Variants in PDK1 observed in about 807,000 individuals in gnomAD.
PDK1 encodes the protein pyruvate dehydrogenase kinase 1, also known as [Pyruvate dehydrogenase (acetyl-transferring)] kinase isozyme 1, mitochondrial.
PDK1 carries 39 observed loss-of-function variants against 54.2 expected under a neutral mutation model. The observed-to-expected ratio is 0.72, with a 90% CI of 0.56 to 0.94. The LOEUF is 0.94. Ranked by LOEUF, PDK1 falls within the 40% of genes least tolerant of loss-of-function variation. The pLI, the probability that PDK1 is intolerant of heterozygous loss-of-function variation, is 0.00. For missense variants in PDK1, 552 were observed against 566.0 expected (o/e 0.98, Z 0.25); for synonymous variants, 221 against 207.1 (o/e 1.07, Z -0.58).
At chr2:172,641,563 T>C in the PDK1 span, among the ~76,000 whole-genome samples, 1 of 151,034 alleles carries the variant, frequency 6.6e-6, no homozygotes, top group Non-Finnish European at 1.5e-5. Flanking sequence ...TGCCTCAGCC[T>C]CCCGAGTAGC....
intron 10 of PDK1, among the ~76,000 whole-genome samples, chr2:172,593,854 G>A (rs538348531): frequency 3.3e-5 from 5 of 152,058 alleles, no homozygotes; most frequent in Admixed American, 3.3e-4. Flanking sequence ...GGCTGTTTAT[G>A]CCTGATTTAG....
the PDK1 span, among the ~76,000 whole-genome samples, chr2:172,628,795 C>T: frequency 2.0e-5 from 3 of 152,222 alleles, no homozygotes; most frequent in Middle Eastern, 3.4e-3. Flanking sequence ...TTCCCACCCA[C>T]GATAAACTTA....
rs1264183956 is a variant in PDK1 at position 172,604,359 on chromosome 2, T to C, written c.*8390T>C. 2 of 152,220 alleles carry C rather than the reference T, an allele frequency of 1.3e-5. No individual in the cohort carries two copies. Among genetic ancestry groups the C allele is most frequent in the Non-Finnish European group, 2.9e-5 (2 of 68,040 alleles). The allele number at this position is 152,220 out of a possible 1,614,324, so 9.4% of individuals were successfully genotyped here. A position where few individuals can be genotyped will look rare whatever the true frequency, so the allele number is the denominator to read the frequency against. On this transcript the variant is annotated 3_prime_UTR_variant, in exon 11 of 11. Coordinates refer to ENST00000282077, the MANE Select transcript of PDK1 (RefSeq NM_002610.5). The stretch of plus-strand genomic sequence containing the variant: ...GTGAGTCACCGTACCTGGCCAGACA[T>C]AGCATATATCTTCCTTTACATAGAT...
chr2:172,568,813 T>G lies in PDK1; in HGVS notation c.842T>G (p.Phe281Cys). The change falls in exon 7 of 11, where the codon TTC (phenylalanine) becomes TGC (cysteine). Residue 281 changes from phenylalanine to cysteine, a missense_variant. Physicochemically the swap from Phe to Cys is radical, Grantham distance 205 (BLOSUM62 -2). Coordinates refer to ENST00000282077, the MANE Select transcript of PDK1 (RefSeq NM_002610.5). ...CTCTATCACATGGTGTTTGAACTTT[T>G]CAAGGTTTGTAAAATAGTATTACAT... Reference protein sequence around the residue: ...SHLYHMVFELFKNAMRATMEH... With the variant: ...SHLYHMVFELCKNAMRATMEH... 1 of 1,575,210 alleles carries G rather than the reference T, an allele frequency of 6.3e-7. No individual in the cohort carries two copies. Among genetic ancestry groups the G allele is most frequent in the Non-Finnish European group, 8.7e-7 (1 of 1,144,480 alleles).
the PDK1 span, among the ~76,000 whole-genome samples, chr2:172,645,260 CTTT>C: frequency 5.1e-4 from 26 of 51,128 alleles, no homozygotes; most frequent in African/African-American, 1.4e-3. Context: ...ACAAAATAGG[CTTT>C]TTTTTTTTTT....
At chr2:172,568,895 A>T (rs1689103670) in intron 7 of PDK1, 78 bp downstream of exon 7, 1 of 815,096 alleles carries the variant, frequency 1.2e-6, no homozygotes, top group Admixed American at 1.9e-5. Context: ...CAAATATTCC[A>T]CTAGGTTCTC....
chr2:172,681,318 A>G, the PDK1 span, among the ~76,000 whole-genome samples: 14 of 148,494 alleles, frequency 9.4e-5, no homozygotes, highest in African/African-American at 3.5e-4. Flanking sequence ...AATAGTGGAC[A>G]TGCACATTAT....
chr2:172,612,357 A>G (rs1691488801), downstream of PDK1, among the ~76,000 whole-genome samples: 1 of 152,262 alleles, frequency 6.6e-6, no homozygotes, highest in South Asian at 2.1e-4. Context: ...AAGTGAGCTA[A>G]TGTATGTACA....
the PDK1 span, among the ~76,000 whole-genome samples, chr2:172,660,567 C>G: frequency 6.6e-6 from 1 of 151,850 alleles, no homozygotes; most frequent in Non-Finnish European, 1.5e-5. Flanking sequence ...AAATTGCTTT[C>G]CCTTATTTTG....
intron 7 of PDK1, among the ~76,000 whole-genome samples, chr2:172,570,287 T>C (rs1689174316): frequency 6.6e-6 from 1 of 152,198 alleles, no homozygotes; most frequent in Non-Finnish European, 1.5e-5. Context: ...GATTCATTGC[T>C]CCATCAAATA....
the PDK1 span, among the ~76,000 whole-genome samples, chr2:172,693,712 T>C: frequency 6.6e-6 from 1 of 152,204 alleles, no homozygotes; most frequent in Non-Finnish European, 1.5e-5. Context: ...TGCTGACAGC[T>C]CTGGAGCCAC....
the PDK1 span, among the ~76,000 whole-genome samples, chr2:172,642,355 A>G: frequency 6.6e-6 from 1 of 151,984 alleles, no homozygotes; most frequent in Non-Finnish European, 1.5e-5. Flanking sequence ...TGTAATTAGG[A>G]AGGTGGTGGG....
At chr2:172,586,472 C>T in intron 9 of PDK1, 84 bp downstream of exon 9, 1 of 757,166 alleles carries the variant, frequency 1.3e-6, no homozygotes, top group Non-Finnish European at 2.3e-6. Flanking sequence ...GTTAAGCCGT[C>T]ATGTAGGGTA....
chr2:172,676,449 A>G, the PDK1 span, among the ~76,000 whole-genome samples: 1 of 152,204 alleles, frequency 6.6e-6, no homozygotes, highest in Non-Finnish European at 1.5e-5. Flanking sequence ...TCCAACCTTC[A>G]TGGATGACTT....
the PDK1 span, among the ~76,000 whole-genome samples, chr2:172,718,512 A>C: frequency 6.6e-6 from 1 of 152,260 alleles, no homozygotes. Context: ...TAGTTCTTTT[A>C]ATATAGCATT....
rs1293611629 is a variant in PDK1 at position 172,558,943 on chromosome 2, T to TTTTTGTTTTG, written c.338+108_338+117dup. ...TTTTTTTTACTCTTTGGTGGAATCT[T>TTTTTGTTTTG]TTTTGTTTTGTTTTGTTTTGTTTGA... is the stretch of plus-strand genomic sequence containing the variant. On this transcript the variant is annotated intron_variant, in intron 2 of 10. Coordinates refer to ENST00000282077, the MANE Select transcript of PDK1 (RefSeq NM_002610.5). The TTTTTGTTTTG allele has an allele frequency of 9.3e-6, 12 of 1,296,132 alleles. No individual in the cohort carries two copies. The East Asian group carries it at 2.6e-4, about 28-fold the overall frequency. The allele number at this position is 1,296,132 out of a possible 1,614,324, so 80.3% of individuals were successfully genotyped here. A position where few individuals can be genotyped will look rare whatever the true frequency, so the allele number is the denominator to read the frequency against.
chr2:172,556,125 C>A lies in PDK1; in HGVS notation c.-26C>A. 7.2e-7 allele frequency: 1 copy of A among 1,381,704 alleles called. No homozygotes were observed. Among genetic ancestry groups the A allele is most frequent in the Non-Finnish European group, 9.3e-7 (1 of 1,073,822 alleles). 85.6% of individuals were successfully genotyped at this position (1,381,704 alleles called of 1,614,324 possible). A position where few individuals can be genotyped will look rare whatever the true frequency, so the allele number is the denominator to read the frequency against. On this transcript the variant is annotated 5_prime_UTR_variant, in exon 1 of 11. It adds an upstream start codon to the 5' untranslated region. Transcript: ENST00000282077. ...GGCGCGGGGAAACCTGGCGTACTGG[C>A]TGTGGCTTCTCTAGCGGGACTCGGC...
chr2:172,705,627 C>T, the PDK1 span, among the ~76,000 whole-genome samples: 9 of 152,306 alleles, frequency 5.9e-5, no homozygotes, highest in Admixed American at 1.3e-4. Flanking sequence ...AGTTAATCTT[C>T]ACTCAATTTA....
At chr2:172,634,376 G>A in the PDK1 span, among the ~76,000 whole-genome samples, 33 of 149,852 alleles carry the variant, frequency 2.2e-4, no homozygotes, top group South Asian at 6.4e-3. Context: ...GGGTTCAAGC[G>A]ATTCCCCTGC....
Sources: gnomAD v4.1 joint callset for allele counts (sites outside exome capture counted in the v4.1 genomes callset) on GRCh38, gnomAD v4.1.1 for gene constraint, MANE v1.5 for transcripts, NCBI Gene and HGNC (gene_info 2026-07-23, HGNC 2026-07-21) for gene names.